The following PAX3 variants were observed in gnomAD, a reference collection of about 807,000 sequenced individuals.
PAX3 encodes the protein paired box 3, also known as paired box protein Pax-3.
A neutral mutation model predicts 51.6 loss-of-function variants in PAX3; 14 were observed. The observed-to-expected ratio is 0.27, with a 90% CI of 0.18 to 0.42. The LOEUF (loss-of-function observed/expected upper bound fraction) is 0.42, where lower values mean the gene tolerates loss of function less well. Ranked by LOEUF, PAX3 falls within the 10% of genes least tolerant of loss-of-function variation. The pLI, the probability that PAX3 is intolerant of heterozygous loss-of-function variation, is 1.00. For synonymous variants in PAX3, 280 were observed against 253.4 expected (o/e 1.11, Z -1.00); for missense variants, 540 against 642.8 (o/e 0.84, Z 1.73).
chr2:222,292,513 G>A (rs750476430), intron 4 of PAX3, among the ~76,000 whole-genome samples: 2 of 152,194 alleles, frequency 1.3e-5, no homozygotes, highest in Admixed American at 6.5e-5. Context: ...GGCCTCAGTC[G>A]CCTGTACTGC....
chr2:222,239,990 C>A (rs1692948342), intron 4 of PAX3, among the ~76,000 whole-genome samples: 1 of 152,136 alleles, frequency 6.6e-6, no homozygotes, highest in South Asian at 2.1e-4. Flanking sequence ...CTATTCCCCT[C>A]CCTTCTGACC....
chr2:222,293,816 C>G, intron 4 of PAX3: 1 of 1,613,928 alleles, frequency 6.2e-7, no homozygotes, highest in Non-Finnish European at 8.5e-7. Context: ...ATCCCCGGCC[C>G]TACAATTGCT....
chr2:222,291,915 C>G (rs1327006577), intron 4 of PAX3, among the ~76,000 whole-genome samples: 1 of 151,388 alleles, frequency 6.6e-6, no homozygotes, highest in Non-Finnish European at 1.5e-5. Context: ...GCTGAAGAGA[C>G]AGACACTGCA....
intron 4 of PAX3, among the ~76,000 whole-genome samples, chr2:222,235,232 A>G (rs114297673): frequency 2.0e-3 from 300 of 152,308 alleles, no homozygotes; most frequent in Non-Finnish European, 2.6e-3. Flanking sequence ...CACCTTAAAA[A>G]TCAACATTCC....
chr2:222,227,698 A>G (rs1361691276), intron 5 of PAX3, among the ~76,000 whole-genome samples: 1 of 151,790 alleles, frequency 6.6e-6, no homozygotes, highest in Non-Finnish European at 1.5e-5. Flanking sequence ...AGCTACCCTC[A>G]TTACAGATGA....
intron 4 of PAX3, among the ~76,000 whole-genome samples, chr2:222,255,073 G>A (rs1412966743): frequency 2.0e-5 from 3 of 152,098 alleles, no homozygotes; most frequent in African/African-American, 4.8e-5. Flanking sequence ...TTGAGCCACC[G>A]CACCTGGCAA....
intron 4 of PAX3, among the ~76,000 whole-genome samples, chr2:222,275,069 G>A (rs1347453372): frequency 6.6e-6 from 1 of 152,176 alleles, no homozygotes; most frequent in Non-Finnish European, 1.5e-5. Flanking sequence ...AGGTCAAGTA[G>A]TGACTTTCTC....
Position 222,220,121 on chromosome 2 carries a change from C to A in PAX3, c.1173+19G>T. ...TTCTGGTATACAGCAAATCGTCTGT[C>A]TAGAAACACGGGACTGACCTGAGGT... is the stretch of plus-strand genomic sequence containing the variant. On this transcript the variant is annotated intron_variant, in intron 7 of 8. Transcript: ENST00000392070. The A allele has an allele frequency of 6.2e-7, 1 of 1,608,298 alleles. No individual in the cohort carries two copies. Among genetic ancestry groups the A allele is most frequent in the South Asian group, 1.1e-5 (1 of 90,864 alleles).
rs1248925494 is a variant in PAX3, at chr2:222,232,166, T to C, written c.704A>G (p.Glu235Gly). The change falls in exon 5 of 9, where the codon GAG (glutamate) becomes GGG (glycine). Residue 235 changes from glutamate to glycine, a missense_variant. By Grantham distance (98) the Glu-to-Gly change is moderately conservative. Around this residue, in one of 3 missense-constraint regions of PAX3, gnomAD observed 427 missense variants for 483.6 expected, o/e 0.88. Transcript: ENST00000392070. ...TFTAEQLEEL[E>G]RAFERTHYPD... ...GTAATGAGTTCTCTCAAAAGCACGC[T>C]CCAGTTCCTCCAGCTGTTCTGCTGT... is the stretch of plus-strand genomic sequence containing the variant. The C allele has an allele frequency of 6.2e-7, 1 of 1,614,042 alleles. No homozygotes were observed. The highest frequency in any genetic ancestry group is 1.7e-5 in the Admixed American group (1 of 59,988).
At chr2:222,285,260 T>C (rs1294490207) in intron 4 of PAX3, among the ~76,000 whole-genome samples, 1 of 152,248 alleles carries the variant, frequency 6.6e-6, no homozygotes, top group Non-Finnish European at 1.5e-5. Flanking sequence ...ATTGGAAGAA[T>C]TTAAATATAT....
chr2:222,275,344 C>T (rs772479882), intron 4 of PAX3, among the ~76,000 whole-genome samples: 10 of 151,958 alleles, frequency 6.6e-5, no homozygotes, highest in Non-Finnish European at 1.0e-4. Context: ...AGATAAACTA[C>T]AATAAAGCTT....
At chr2:222,292,232 C>T (rs1178480010) in intron 4 of PAX3, among the ~76,000 whole-genome samples, 1 of 152,148 alleles carries the variant, frequency 6.6e-6, no homozygotes, top group Non-Finnish European at 1.5e-5. Flanking sequence ...TCATTGCAAG[C>T]CCATAATGTC....
intron 7 of PAX3, among the ~76,000 whole-genome samples, chr2:222,215,241 A>G (rs1691906608): frequency 6.6e-6 from 1 of 152,214 alleles, no homozygotes; most frequent in Admixed American, 6.6e-5. Flanking sequence ...TCCTTAAAAT[A>G]CACAGTTTGA....
At chr2:222,246,275 G>T (rs1693224436) in intron 4 of PAX3, among the ~76,000 whole-genome samples, 1 of 152,114 alleles carries the variant, frequency 6.6e-6, no homozygotes. Context: ...CCAGCCCATG[G>T]TTTTAACTGG....
At chr2:222,291,029 A>G (rs1199689643) in intron 4 of PAX3, among the ~76,000 whole-genome samples, 2 of 151,798 alleles carry the variant, frequency 1.3e-5, no homozygotes, top group Non-Finnish European at 1.5e-5. Flanking sequence ...CGGCGAGCTA[A>G]GCTTCGAGCC....
chr2:222,222,407 CTTT>C (rs140699845), intron 5 of PAX3, among the ~76,000 whole-genome samples: 2 of 140,802 alleles, frequency 1.4e-5, no homozygotes, highest in Admixed American at 7.2e-5. Context: ...TTCATTGAAA[CTTT>C]TTTTTTTTTT....
chr2:222,246,670 CT>C (rs1216328805), intron 4 of PAX3, among the ~76,000 whole-genome samples: 1 of 152,044 alleles, frequency 6.6e-6, no homozygotes, highest in Admixed American at 6.6e-5. Context: ...TCTTCGCATT[CT>C]TTTTTTCTGT....
chr2:222,201,184 A>T lies in PAX3; in HGVS notation c.*224T>A. On this transcript the variant is annotated 3_prime_UTR_variant, in exon 9 of 9. Coordinates refer to ENST00000392070, the MANE Select transcript of PAX3 (RefSeq NM_181458.4). Reference sequence around the variant, plus strand: ...TGTTGCATTTGTCTTTTATTGCTCCAGGTCTTCCTCTTCTCCACTGCTTTT... The same window carrying T: ...TGTTGCATTTGTCTTTTATTGCTCCTGGTCTTCCTCTTCTCCACTGCTTTT... 6.2e-7 allele frequency: 1 copy of T among 1,614,056 alleles called. No individual in the cohort carries two copies. Among genetic ancestry groups the T allele is most frequent in the Admixed American group, 1.7e-5 (1 of 60,014 alleles).
intron 1 of PAX3, chr2:222,298,249 C>T (rs1462552548): frequency 4.0e-6 from 2 of 496,038 alleles, no homozygotes; most frequent in Non-Finnish European, 7.2e-6. Flanking sequence ...CGGTTCACCT[C>T]CTTCTCCACC....
Sources: gnomAD v4.1 joint callset for allele counts (sites outside exome capture counted in the v4.1 genomes callset) on GRCh38, gnomAD v4.1.1 for gene constraint, gnomAD v4.1.1 regional missense constraint, MANE v1.5 for transcripts, NCBI Gene and HGNC (gene_info 2026-07-23, HGNC 2026-07-21) for gene names.